The following POLD1 variants were observed in gnomAD, a reference collection of about 807,000 sequenced individuals.
POLD1 encodes the protein DNA polymerase delta 1, catalytic subunit, also known as DNA polymerase delta catalytic subunit.
Under a neutral mutation model 129.7 loss-of-function variants are expected in POLD1, and 79 were observed. That is an observed-to-expected ratio of 0.61 (90% CI 0.51 to 0.73). The LOEUF is 0.73. Ranked by LOEUF, POLD1 falls within the 30% of genes least tolerant of loss-of-function variation. The probability of loss-of-function intolerance (pLI) is 0.00; values close to 1 mark genes in which losing one functional copy is unlikely to be tolerated. For synonymous variants in POLD1, 714 were observed against 683.3 expected (o/e 1.04, Z -0.70); for missense variants, 1,338 against 1,595.8 (o/e 0.84, Z 2.75).
chr19:50,416,706 C>T lies in POLD1; in HGVS notation c.3050C>T (p.Thr1017Ile), dbSNP rs1555793499. Reference sequence around the variant, plus strand: ...CGCAACTGCTGCATTGGCTGCCGCACAGTGCTCAGCCACCAGGGTGAGCGG... The same window carrying T: ...CGCAACTGCTGCATTGGCTGCCGCATAGTGCTCAGCCACCAGGGTGAGCGG... ...KRRNCCIGCR[T>I]VLSHQGAVCE... Residue 1017 changes from threonine (T) to isoleucine (I), a missense_variant, in exon 24 of 27, where the codon ACA (threonine) becomes ATA (isoleucine). Around this residue, in one of 3 missense-constraint regions of POLD1, gnomAD observed 286 missense variants for 277.5 expected, o/e 1.03. Coordinates refer to ENST00000440232, the MANE Select transcript of POLD1 (RefSeq NM_002691.4). The T allele has an allele frequency of 6.5e-7, 1 of 1,540,272 alleles. No individual in the cohort carries two copies. The highest frequency in any genetic ancestry group is 8.7e-7 in the Non-Finnish European group (1 of 1,147,566).
intron 1 of POLD1, among the ~76,000 whole-genome samples, chr19:50,389,171 A>T (rs2038068958): frequency 6.8e-6 from 1 of 147,512 alleles, no homozygotes; most frequent in Non-Finnish European, 1.5e-5. Context: ...TCTGTCATGC[A>T]GGTTGTAGTG....
rs755550936 is a variant in POLD1 at position 50,402,634 on chromosome 19, C to A, written c.863C>A (p.Ala288Glu). The A allele has an allele frequency of 6.3e-7, 1 of 1,577,092 alleles. No individual in the cohort carries two copies. The highest frequency in any genetic ancestry group is 8.6e-7 in the Non-Finnish European group (1 of 1,160,650). ...KEKATQCQLE[A>E]DVLWSDVVSH... ...CAGGCTACGCAGTGCCAGCTGGAGG[C>A]GGACGTGCTGTGGTCTGACGTGGTC... is the stretch of plus-strand genomic sequence containing the variant. Residue 288 changes from alanine (A) to glutamate (E), a missense_variant, in exon 8 of 27, where the codon GCG becomes GAG. This residue lies in a region of POLD1 where 720 missense variants were observed against 1,002.6 expected (regional missense o/e 0.72). Coordinates refer to ENST00000440232, the MANE Select transcript of POLD1 (RefSeq NM_002691.4).
At position 50,409,427 on chromosome 19, in the gene POLD1, C is replaced by T. The variant is rs565716605; in HGVS notation, c.2007-92C>T. 4.9e-5 allele frequency: 76 copies of T among 1,550,516 alleles called. 1 individual carries two copies. Among genetic ancestry groups the T allele is most frequent in the South Asian group, 1.4e-4 (12 of 88,368 alleles). The stretch of plus-strand genomic sequence containing the variant: ...AGAAGCTTCTGTGCAGTGCACAGTA[C>T]GCCCAACCGTACATGGCACTCACTT... On this transcript the variant is annotated intron_variant, in intron 16 of 26. Coordinates refer to ENST00000440232, the MANE Select transcript of POLD1 (RefSeq NM_002691.4). The surrounding 1 kb of genome is among the most constrained non-coding windows in gnomAD (Gnocchi z 5.8).
intron 14 of POLD1, among the ~76,000 whole-genome samples, chr19:50,407,716 G>A (rs2038947905): frequency 7.1e-6 from 1 of 141,782 alleles, no homozygotes. Context: ...CCACCACCAC[G>A]CCTGGCTAAT....
intron 1 of POLD1, among the ~76,000 whole-genome samples, chr19:50,388,100 T>C (rs1328922540): frequency 2.0e-5 from 3 of 152,200 alleles, no homozygotes; most frequent in Non-Finnish European, 4.4e-5. Flanking sequence ...ATCCCATTTA[T>C]AGGAAATGCC....
chr19:50,394,058 A>T (rs2038257661), intron 1 of POLD1: 1 of 152,286 alleles, frequency 6.6e-6, no homozygotes, highest in Admixed American at 6.5e-5. Flanking sequence ...ACGCTTTGGA[A>T]GATAGGCAAG....
At chr19:50,417,142 G>A (rs772170575) in intron 25 of POLD1, 30 bp from the exon 26 acceptor site, 9 of 1,574,980 alleles carry the variant, frequency 5.7e-6, no homozygotes, top group Non-Finnish European at 7.8e-6. Context: ...GGGAGGCGGG[G>A]GCGCCCTGCT....
chr19:50,398,769 G>T, intron 1 of POLD1, 82 bp from the exon 2 acceptor site: 1 of 1,540,444 alleles, frequency 6.5e-7, no homozygotes. Flanking sequence ...TCGTGGTCAT[G>T]GTGGGTGCAT....
chr19:50,408,443 G>T (rs373875163), intron 14 of POLD1, among the ~76,000 whole-genome samples: 4 of 151,862 alleles, frequency 2.6e-5, no homozygotes, highest in African/African-American at 9.7e-5. Context: ...GGTGGAGTGC[G>T]GTGGCATGAT....
chr19:50,409,432 A>T lies in POLD1; in HGVS notation c.2007-87A>T, dbSNP rs2039014731. On this transcript the variant is annotated intron_variant, in intron 16 of 26. Coordinates refer to ENST00000440232, the MANE Select transcript of POLD1 (RefSeq NM_002691.4). The surrounding 1 kb of genome is among the most constrained non-coding windows in gnomAD (Gnocchi z 5.8). The stretch of plus-strand genomic sequence containing the variant: ...CTTCTGTGCAGTGCACAGTACGCCC[A>T]ACCGTACATGGCACTCACTTCCAGA... 2 of 1,562,252 alleles carry T rather than the reference A, an allele frequency of 1.3e-6. No individual in the cohort carries two copies. Among genetic ancestry groups the T allele is most frequent in the Non-Finnish European group, 1.8e-6 (2 of 1,136,778 alleles).
At chr19:50,417,690 C>CCT in intron 26 of POLD1, 152 bp from the exon 27 acceptor site, 2 of 422,736 alleles carry the variant, frequency 4.7e-6, no homozygotes, top group Admixed American at 3.7e-5. Context: ...CCACCCCCCC[C>CCT]GTGCCTGCTG....
At chr19:50,391,063 C>G (rs1452276442) in intron 1 of POLD1, among the ~76,000 whole-genome samples, 1 of 151,414 alleles carries the variant, frequency 6.6e-6, no homozygotes, top group Non-Finnish European at 1.5e-5. Context: ...CATCATGGCC[C>G]GTTCTCAATG....
chr19:50,402,296 G>A lies in POLD1; in HGVS notation c.681G>A (p.Leu227=), dbSNP rs1036721690. Residue 227 remains leucine (L), a synonymous_variant, in exon 6 of 27, where the codon CTG becomes CTA. Coordinates refer to ENST00000440232, the MANE Select transcript of POLD1 (RefSeq NM_002691.4). ...PRLVAPARRL[L]EQGIRVAGLG... is the part of the protein sequence containing the mutation. ...TCGTGGCCCCGGCCCGCCGTCTCCT[G>A]GAACAGGGCATCCGTGTGGCAGGCC... The A allele has an allele frequency of 6.2e-7, 1 of 1,610,644 alleles. No homozygotes were observed. Among genetic ancestry groups the A allele is most frequent in the African/African-American group, 1.3e-5 (1 of 74,992 alleles).
In POLD1 at chr19:50,399,287, C is replaced by G. The variant is rs3219369; in HGVS notation, c.203-84C>G. 4.1e-4 allele frequency: 508 copies of G among 1,245,966 alleles called. No homozygotes were observed. In the African/African-American group the frequency reaches 6.2e-3, roughly 15 times the overall value. 77.2% of individuals were successfully genotyped at this position (1,245,966 alleles called of 1,614,324 possible). A position where few individuals can be genotyped will look rare whatever the true frequency, so the allele number is the denominator to read the frequency against. ...GCCTGACCCAGACCACCACCTCTGC[C>G]TGGCTCCTTTCAGAACCACATGCCA... is the stretch of plus-strand genomic sequence containing the variant. On this transcript the variant is annotated intron_variant, in intron 2 of 26. Coordinates refer to ENST00000440232, the MANE Select transcript of POLD1 (RefSeq NM_002691.4).
Position 50,412,463 on chromosome 19 carries a change from TA to T in POLD1, c.2155-948del, listed in dbSNP as rs985353537. Among the ~76,000 whole-genome samples, 507 of 132,760 alleles carry T rather than the reference TA, an allele frequency of 3.8e-3. 1 individual carries two copies. The highest frequency in any genetic ancestry group is 4.8e-3 in the African/African-American group (173 of 35,826). The allele number at this position is 132,760 out of a possible 152,430, so 87.1% of individuals were successfully genotyped here. ...TCACCACGCTTGGCCTCCTGTCTCT[TA>T]AAAAAAAAAAAAAATTGAATCATTT... is the stretch of plus-strand genomic sequence containing the variant. On this transcript the variant is annotated intron_variant, in intron 17 of 26. Coordinates refer to ENST00000440232, the MANE Select transcript of POLD1 (RefSeq NM_002691.4).
chr19:50,391,563 G>A (rs1026614864), intron 1 of POLD1, among the ~76,000 whole-genome samples: 5 of 152,136 alleles, frequency 3.3e-5, no homozygotes, highest in South Asian at 2.1e-4. Flanking sequence ...CAGGCATGGC[G>A]GTGCGTGCCT....
chr19:50,401,285 CATATATT>C (rs1402170525), intron 3 of POLD1, among the ~76,000 whole-genome samples: 1 of 133,198 alleles, frequency 7.5e-6, no homozygotes, highest in Non-Finnish European at 1.5e-5. Flanking sequence ...TTATGTATAA[CATATATT>C]ATATATTAAT....
rs2122245287 is a variant in POLD1, at chr19:50,402,293, C to T, written c.678C>T (p.Leu226=). 2 of 1,610,602 alleles carry T rather than the reference C, an allele frequency of 1.2e-6. No individual in the cohort carries two copies. The highest frequency in any genetic ancestry group is 1.7e-6 in the Non-Finnish European group (2 of 1,177,774). ...LPRLVAPARR[L]LEQGIRVAGL... ...GCCTCGTGGCCCCGGCCCGCCGTCTCCTGGAACAGGGCATCCGTGTGGCAG... is the reference window on the plus strand; with the variant it reads ...GCCTCGTGGCCCCGGCCCGCCGTCTTCTGGAACAGGGCATCCGTGTGGCAG... The change falls in exon 6 of 27, where the codon CTC becomes CTT. Residue 226 remains leucine (L), a synonymous_variant. Transcript: ENST00000440232.
intron 17 of POLD1, among the ~76,000 whole-genome samples, chr19:50,412,685 C>T (rs552909551): frequency 1.2e-4 from 19 of 152,162 alleles, no homozygotes; most frequent in African/African-American, 4.1e-4. Context: ...CCCATCTCTC[C>T]TTGGTGTCCC....
Sources: gnomAD v4.1 joint callset for allele counts (sites outside exome capture counted in the v4.1 genomes callset) on GRCh38, gnomAD v4.1.1 for gene constraint, gnomAD v4.1.1 regional missense constraint, Gnocchi (gnomAD v3.1) non-coding constraint, MANE v1.5 for transcripts, NCBI Gene and HGNC (gene_info 2026-07-23, HGNC 2026-07-21) for gene names.